APAF1: variants seen among roughly 807,000 people sequenced by gnomAD.
The protein encoded by APAF1 is apoptotic peptidase activating factor 1.
APAF1 carries 91 observed loss-of-function variants against 152.4 expected under a neutral mutation model. The observed-to-expected ratio is 0.60, with a 90% CI of 0.50 to 0.71. The LOEUF (loss-of-function observed/expected upper bound fraction) is 0.71, where lower values mean the gene tolerates loss of function less well. Among genes scored for constraint, APAF1 ranks in the 30% least tolerant of loss-of-function variants. The pLI, the probability that APAF1 is intolerant of heterozygous loss-of-function variation, is 0.00. For synonymous variants in APAF1, 484 were observed against 494.1 expected, an observed-to-expected ratio of 0.98 and a Z score of 0.27; for missense variants, 1,283 against 1,472.0, an observed-to-expected ratio of 0.87 and a Z score of 2.10.
chr12:98,728,854 C>T (rs940790990), intron 26 of APAF1, among the ~76,000 whole-genome samples: 1 of 152,150 alleles, frequency 6.6e-6, no homozygotes, highest in Non-Finnish European at 1.5e-5. Flanking sequence ...TGATTGAGGC[C>T]GCAATTTGAA....
chr12:98,680,602 G>A (rs1405171043), intron 14 of APAF1, among the ~76,000 whole-genome samples, 200 bp downstream of exon 14: 1 of 152,096 alleles, frequency 6.6e-6, no homozygotes, highest in South Asian at 2.1e-4. Flanking sequence ...CCAGGCTGGA[G>A]GGCAGTGGCA....
rs372899482 is a variant in APAF1, at chr12:98,677,587, A to C, written c.1920+36A>C. The C allele has an allele frequency of 4.1e-4, 663 of 1,613,700 alleles. 1 individual carries two copies. The highest frequency in any genetic ancestry group is 5.2e-4 in the Non-Finnish European group (617 of 1,179,798). On this transcript the variant is annotated intron_variant, in intron 13 of 26. Coordinates refer to ENST00000551964, the MANE Select transcript of APAF1 (RefSeq NM_181861.2). ...TCTCTTGAGAAAAATGCAAAGAGGC[A>C]TGTATCCAGTTTTGTGCAGATCAGA...
chr12:98,726,849 A>G (rs2097751301), intron 25 of APAF1: 1 of 270,772 alleles, frequency 3.7e-6, no homozygotes, highest in African/African-American at 2.3e-5. Flanking sequence ...TACCTTACTG[A>G]ACTGTTTCTA....
intron 20 of APAF1, among the ~76,000 whole-genome samples, chr12:98,709,804 C>T (rs946027548): frequency 6.6e-6 from 1 of 152,144 alleles, no homozygotes; most frequent in African/African-American, 2.4e-5. Context: ...GGACATTCTC[C>T]CTTGCCCTGA....
intron 22 of APAF1, among the ~76,000 whole-genome samples, chr12:98,715,761 GTTGT>G (rs988711971): frequency 3.3e-5 from 5 of 152,046 alleles, no homozygotes; most frequent in African/African-American, 7.3e-5. Flanking sequence ...CTGTTGGAAG[GTTGT>G]TTATTTTGAA....
chr12:98,646,674 A>T (rs1319822814), intron 1 of APAF1, among the ~76,000 whole-genome samples: 1 of 152,214 alleles, frequency 6.6e-6, no homozygotes, highest in Non-Finnish European at 1.5e-5. Context: ...TGAATGAATG[A>T]ATTGATAAAC....
intron 21 of APAF1, among the ~76,000 whole-genome samples, 171 bp from the exon 22 acceptor site, chr12:98,715,255 TA>T (rs2097733104): frequency 1.7e-5 from 2 of 120,900 alleles, no homozygotes; most frequent in South Asian, 2.7e-4. Context: ...TATATATATA[TA>T]TATATATATA....
intron 17 of APAF1, among the ~76,000 whole-genome samples, chr12:98,702,388 A>T (rs936538285): frequency 1.3e-5 from 2 of 152,052 alleles, no homozygotes; most frequent in African/African-American, 4.8e-5. Flanking sequence ...AATAGCTCCC[A>T]CTGGAAGCTT....
intron 22 of APAF1, among the ~76,000 whole-genome samples, chr12:98,717,414 T>C (rs2097736156): frequency 1.3e-5 from 2 of 151,548 alleles, no homozygotes; most frequent in African/African-American, 4.8e-5. Context: ...TCACTCTTGT[T>C]GCCTAGGCTG....
intron 18 of APAF1, among the ~76,000 whole-genome samples, chr12:98,704,973 A>G (rs965127271): frequency 2.0e-5 from 3 of 151,932 alleles, no homozygotes; most frequent in Non-Finnish European, 2.9e-5. Flanking sequence ...TCATGGAGAT[A>G]GGGTTTCACC....
intron 20 of APAF1, 62 bp downstream of exon 20, chr12:98,708,766 T>G: frequency 6.4e-7 from 1 of 1,571,194 alleles, no homozygotes; most frequent in South Asian, 1.1e-5. Flanking sequence ...TTCACGGTTT[T>G]TCTTGTTTTT....
chr12:98,720,077 T>C (rs2153342344), intron 22 of APAF1, among the ~76,000 whole-genome samples: 1 of 152,280 alleles, frequency 6.6e-6, no homozygotes, highest in South Asian at 2.1e-4. Context: ...CAGATGTCTT[T>C]GGAATGGGTA....
At chr12:98,665,867 CAGAGAACCTT>C in intron 8 of APAF1, 76 bp downstream of exon 8, 1 of 1,297,968 alleles carries the variant, frequency 7.7e-7, no homozygotes, top group South Asian at 1.2e-5. Flanking sequence ...CATGTTGTTA[CAGAGAACCTT>C]GGAAGGATAA....
At chr12:98,691,038 C>T (rs1183323660) in intron 16 of APAF1, among the ~76,000 whole-genome samples, 4 of 152,222 alleles carry the variant, frequency 2.6e-5, no homozygotes, top group African/African-American at 4.8e-5. Context: ...GAAACCCCGT[C>T]TCTACTAAAA....
intron 2 of APAF1, 44 bp downstream of exon 2, chr12:98,648,541 G>C: frequency 6.2e-7 from 1 of 1,608,980 alleles, no homozygotes; most frequent in Non-Finnish European, 8.5e-7. Flanking sequence ...AAAATTTTTA[G>C]AATTTCAGAA....
At chr12:98,686,717 GTTTA>G (rs777766184) in intron 15 of APAF1, 27 bp from the exon 16 acceptor site, 19 of 1,603,944 alleles carry the variant, frequency 1.2e-5, no homozygotes, top group South Asian at 5.5e-5. Context: ...AATACTAGTT[GTTTA>G]TTTATCTTTT....
intron 26 of APAF1, 23 bp from the exon 27 acceptor site, chr12:98,732,397 G>T: frequency 1.2e-6 from 2 of 1,609,570 alleles, no homozygotes; most frequent in Non-Finnish European, 1.7e-6. Flanking sequence ...AATCTAATGA[G>T]AATTTTATTT....
At chr12:98,670,336 A>T (rs2097678498) in intron 10 of APAF1, among the ~76,000 whole-genome samples, 1 of 152,030 alleles carries the variant, frequency 6.6e-6, no homozygotes, top group Non-Finnish European at 1.5e-5. Flanking sequence ...TACCGGTGAG[A>T]TTTTGGCCAT....
At chr12:98,721,650 T>G (rs981590840) in intron 22 of APAF1, among the ~76,000 whole-genome samples, 1 of 152,190 alleles carries the variant, frequency 6.6e-6, no homozygotes, top group African/African-American at 2.4e-5. Context: ...TTACTCTCAC[T>G]TCCAGTTCGT....
Sources: allele counts gnomAD v4.1 joint callset (sites outside exome capture counted in the v4.1 genomes callset), GRCh38; gene constraint gnomAD v4.1.1; transcripts MANE v1.5; gene names NCBI Gene and HGNC (gene_info 2026-07-23, HGNC 2026-07-21).